TNRC6A: variants seen among roughly 807,000 people sequenced by gnomAD.
TNRC6A encodes the protein trinucleotide repeat containing adaptor 6A, also known as trinucleotide repeat-containing gene 6A protein.
TNRC6A carries 44 observed loss-of-function variants against 221.2 expected under a neutral mutation model. That is an observed-to-expected ratio of 0.20 (90% CI 0.16 to 0.26). TNRC6A has a LOEUF of 0.26. Among genes scored for constraint, TNRC6A ranks in the 10% least tolerant of loss-of-function variants. TNRC6A has a pLI of 1.00. For missense variants in TNRC6A, 2,199 were observed against 2,404.4 expected (o/e 0.91, Z 1.79); for synonymous variants, 847 against 838.5 (o/e 1.01, Z -0.18).
rs186860973 is a variant in TNRC6A at position 24,799,338 on chromosome 16, C to G, written c.3694+1372C>G. 8.1e-4 allele frequency among the ~76,000 whole-genome samples: 124 copies of G among 152,322 alleles called. 3 individuals carry two copies. Among genetic ancestry groups the G allele is most frequent in the Admixed American group, 1.4e-3 (21 of 15,302 alleles). ...ACAGATCATCCCAACCCTTTGACTA[C>G]TCACCTTCCATATGTACTCTTCTGC... On this transcript the variant is annotated intron_variant, in intron 11 of 24. Coordinates refer to ENST00000395799, the MANE Select transcript of TNRC6A (RefSeq NM_014494.4).
At chr16:24,664,472 A>T (rs2055103600) in intron 2 of TNRC6A, among the ~76,000 whole-genome samples, 1 of 142,856 alleles carries the variant, frequency 7.0e-6, no homozygotes. Flanking sequence ...TTTAAATATA[A>T]TAAATATAAA....
intron 1 of TNRC6A, among the ~76,000 whole-genome samples, chr16:24,631,879 A>G (rs1434772985): frequency 6.6e-6 from 1 of 151,002 alleles, no homozygotes; most frequent in African/African-American, 2.4e-5. Context: ...TTTTTTTTGG[A>G]ACAGGGTCTC....
intron 2 of TNRC6A, among the ~76,000 whole-genome samples, chr16:24,735,435 G>T (rs897405635): frequency 3.3e-5 from 5 of 152,184 alleles, no homozygotes; most frequent in African/African-American, 7.2e-5. Context: ...TTGCTTTGCT[G>T]TGATACGGTT....
intron 1 of TNRC6A, among the ~76,000 whole-genome samples, chr16:24,613,494 A>G (rs1341711951): frequency 8.1e-6 from 1 of 122,966 alleles, no homozygotes; most frequent in Non-Finnish European, 1.6e-5. Flanking sequence ...ATTTTATTTT[A>G]TTTTATTTTA....
chr16:24,790,622 C>T lies in TNRC6A; in HGVS notation c.1980C>T (p.Ser660=), dbSNP rs1474664017. The part of the protein sequence containing the change: ...GSATSQTNEQ[S]SVWAKTGGTV... ...CCACATCTCAGACAAATGAGCAAAG[C>T]AGTGTGTGGGCCAAAACAGGAGGTA... Residue 660 remains serine, a synonymous_variant, in exon 6 of 25, where the codon AGC becomes AGT. Transcript: ENST00000395799. 9.3e-6 allele frequency: 15 copies of T among 1,614,016 alleles called. No individual in the cohort carries two copies. The highest frequency in any genetic ancestry group is 1.1e-5 in the Non-Finnish European group (13 of 1,180,028).
intron 2 of TNRC6A, among the ~76,000 whole-genome samples, chr16:24,749,036 C>T (rs1362939118): frequency 6.6e-6 from 1 of 152,096 alleles, no homozygotes; most frequent in African/African-American, 2.4e-5. Context: ...CACCACGCCC[C>T]TGCCTGATAT....
At chr16:24,618,885 C>T in intron 1 of TNRC6A, among the ~76,000 whole-genome samples, 1 of 152,042 alleles carries the variant, frequency 6.6e-6, no homozygotes. Flanking sequence ...CCACCTCGGC[C>T]TCCCGAAGTG....
intron 1 of TNRC6A, among the ~76,000 whole-genome samples, chr16:24,626,156 C>G (rs1002984988): frequency 6.6e-6 from 1 of 151,936 alleles, no homozygotes; most frequent in East Asian, 1.9e-4. Context: ...TGCCCCAATT[C>G]CTCCCTCTCC....
chr16:24,610,467 C>G (rs1899993841), exon 1 of TNRC6A: 1 of 152,272 alleles, frequency 6.6e-6, no homozygotes, highest in Non-Finnish European at 1.5e-5. Context: ...ATTTTGCAGC[C>G]CACTGACTCC....
rs776844514 is a variant in TNRC6A at position 24,777,119 on chromosome 16, C to CGCA, written c.362_364dup (p.Gln121dup). ...CCACAGCAGCAGCCACAGCCGCAGCCGCAGCAGCAGCAGCCACAGCAGCAG... is the reference window on the plus strand; with the variant it reads ...CCACAGCAGCAGCCACAGCCGCAGCCGCAGCAGCAGCAGCAGCCACAGCAGCAG... On this transcript the variant is annotated inframe_insertion, in exon 5 of 25. Coordinates refer to ENST00000395799, the MANE Select transcript of TNRC6A (RefSeq NM_014494.4). 6 of 1,568,790 alleles carry CGCA rather than the reference C, an allele frequency of 3.8e-6. No homozygotes were observed. The highest frequency in any genetic ancestry group is 1.7e-5 in the Admixed American group (1 of 58,792).
At chr16:24,821,588 G>T (rs779168044) in intron 22 of TNRC6A, among the ~76,000 whole-genome samples, 30 of 152,260 alleles carry the variant, frequency 2.0e-4, no homozygotes, top group Middle Eastern at 3.4e-3. Context: ...CAGGGGAAGG[G>T]TGGATGCCAC....
At chr16:24,612,596 A>C (rs1479385967) in intron 1 of TNRC6A, among the ~76,000 whole-genome samples, 1 of 151,884 alleles carries the variant, frequency 6.6e-6, no homozygotes, top group African/African-American at 2.4e-5. Context: ...AAAATACAAA[A>C]AAAAAAAAAA....
chr16:24,728,888 A>G (rs2056540387), upstream of TNRC6A, among the ~76,000 whole-genome samples: 1 of 151,386 alleles, frequency 6.6e-6, no homozygotes, highest in Non-Finnish European at 1.5e-5. Context: ...TATTGCAACC[A>G]TTTCCTCCAT....
chr16:24,794,827 GCAGCCCC>G, intron 8 of TNRC6A, 108 bp downstream of exon 8: 1 of 1,075,966 alleles, frequency 9.3e-7, no homozygotes, highest in East Asian at 2.8e-5. Flanking sequence ...TACAGTCCAG[GCAGCCCC>G]CACCTTAGGT....
At chr16:24,753,367 A>G (rs1169715328) in intron 3 of TNRC6A, among the ~76,000 whole-genome samples, 1 of 152,246 alleles carries the variant, frequency 6.6e-6, no homozygotes, top group Admixed American at 6.5e-5. Flanking sequence ...TCATAGACAC[A>G]TCATAGTATC....
chr16:24,737,103 C>G (rs2056786883), intron 2 of TNRC6A, among the ~76,000 whole-genome samples: 1 of 152,018 alleles, frequency 6.6e-6, no homozygotes, highest in Non-Finnish European at 1.5e-5. Context: ...CACAGAGGGA[C>G]CACAGGTGTT....
At chr16:24,705,335 T>A (rs1398280382) in intron 2 of TNRC6A, among the ~76,000 whole-genome samples, 1 of 142,836 alleles carries the variant, frequency 7.0e-6, no homozygotes, top group Non-Finnish European at 1.5e-5. Flanking sequence ...TTAGATGAAT[T>A]TTTTTTTTTT....
At chr16:24,776,628 T>C (rs1315315583) in intron 4 of TNRC6A, 1 of 985,352 alleles carries the variant, frequency 1.0e-6, no homozygotes, top group Admixed American at 6.1e-5. Context: ...GGTTTTGTAA[T>C]GATCCGATGA....
chr16:24,658,078 A>G (rs1217373660), intron 2 of TNRC6A, among the ~76,000 whole-genome samples: 2 of 152,186 alleles, frequency 1.3e-5, no homozygotes, highest in Non-Finnish European at 2.9e-5. Flanking sequence ...GATACAATTT[A>G]TATAGAAGCA....
Sources: allele counts gnomAD v4.1 joint callset (sites outside exome capture counted in the v4.1 genomes callset), GRCh38; gene constraint gnomAD v4.1.1; transcripts MANE v1.5; gene names NCBI Gene and HGNC (gene_info 2026-07-23, HGNC 2026-07-21).